CLSPN: variants seen among roughly 807,000 people sequenced by gnomAD.
CLSPN encodes the protein claspin, also known as claspin homolog.
CLSPN carries 85 observed loss-of-function variants against 156.3 expected under a neutral mutation model. The ratio of observed to expected loss-of-function variants is 0.54; its 90% CI spans 0.46 to 0.65. CLSPN has a LOEUF of 0.65. Among genes scored for constraint, CLSPN ranks in the 30% least tolerant of loss-of-function variants. The probability of loss-of-function intolerance (pLI) is 0.00; values close to 1 mark genes in which losing one functional copy is unlikely to be tolerated. For missense variants in CLSPN, 1,407 were observed against 1,554.9 expected, an observed-to-expected ratio of 0.90 and a Z score of 1.60; for synonymous variants, 534 against 542.4, an observed-to-expected ratio of 0.98 and a Z score of 0.22.
downstream of CLSPN, among the ~76,000 whole-genome samples, chr1:35,731,199 C>CAAAA (rs78926364): frequency 6.2e-5 from 5 of 80,476 alleles, no homozygotes; most frequent in African/African-American, 2.2e-4. Flanking sequence ...GACTCTGTCT[C>CAAAA]AAAAAAAAAA....
At chr1:35,721,657 G>A (rs1641077460) in intron 24 of CLSPN, among the ~76,000 whole-genome samples, 1 of 151,936 alleles carries the variant, frequency 6.6e-6, no homozygotes, top group Admixed American at 6.6e-5. Flanking sequence ...CAAAGTGCTG[G>A]GATTACAGGT....
At chr1:35,747,870 G>A in intron 14 of CLSPN, 37 bp downstream of exon 14, 6 of 1,599,492 alleles carry the variant, frequency 3.8e-6, no homozygotes, top group Non-Finnish European at 5.1e-6. Context: ...GCAGTACCCA[G>A]CACCATTCCC....
Position 35,733,320 on chromosome 1 carries a change from C to CT in CLSPN, c.*3175dup, listed in dbSNP as rs1222789867. 81,983 of 135,966 alleles carry CT rather than the reference C, an allele frequency of 0.6. 29,502 individuals carry two copies. The highest frequency in any genetic ancestry group is 0.77 in the Non-Finnish European group (54,013 of 70,020). The allele number at this position is 135,966 out of a possible 1,614,324, so 8.4% of individuals were successfully genotyped here. On this transcript the variant is annotated 3_prime_UTR_variant, in exon 25 of 25. Coordinates refer to ENST00000318121, the MANE Select transcript of CLSPN (RefSeq NM_022111.4). Reference sequence around the variant, plus strand: ...CAGGCACTAATTTTCTTTTTTTTTTCTTTTTTTTTTTTTTTTTAGAGTTGG... The same window carrying CT: ...CAGGCACTAATTTTCTTTTTTTTTTCTTTTTTTTTTTTTTTTTTAGAGTTGG...
At position 35,733,702 on chromosome 1, in the gene CLSPN, G is replaced by A; in HGVS notation, c.*2794C>T. 1 of 985,312 alleles carries A rather than the reference G, an allele frequency of 1.0e-6. No homozygotes were observed. Among genetic ancestry groups the A allele is most frequent in the Non-Finnish European group, 1.2e-6 (1 of 829,846 alleles). The allele number at this position is 985,312 out of a possible 1,614,324, so 61.0% of individuals were successfully genotyped here. A position where few individuals can be genotyped will look rare whatever the true frequency, so the allele number is the denominator to read the frequency against. On this transcript the variant is annotated 3_prime_UTR_variant, in exon 25 of 25. Coordinates refer to ENST00000318121, the MANE Select transcript of CLSPN (RefSeq NM_022111.4). Reference sequence around the variant, plus strand: ...GGCCAATCAAAGCTGTAACAGGCTGGGCATGGTGGCTGAGCCTGTGACCCC... The same window carrying A: ...GGCCAATCAAAGCTGTAACAGGCTGAGCATGGTGGCTGAGCCTGTGACCCC...
At chr1:35,745,003 G>A (rs1641828691) in intron 16 of CLSPN, among the ~76,000 whole-genome samples, 1 of 152,092 alleles carries the variant, frequency 6.6e-6, no homozygotes, top group African/African-American at 2.4e-5. Context: ...AGTAGAGACG[G>A]GGTTTCACCA....
At chr1:35,765,728 T>A (rs1360847929) in intron 1 of CLSPN, among the ~76,000 whole-genome samples, 1 of 152,180 alleles carries the variant, frequency 6.6e-6, no homozygotes, top group African/African-American at 2.4e-5. Context: ...ATAACAGACC[T>A]AGGCAATTAT....
In CLSPN at chr1:35,761,134, G is replaced by A. The variant is rs766489746; in HGVS notation, c.966C>T (p.Pro322=). ...TGGCATTTCCGTGGCAAGTGGGCCG[G>A]GGTTTACGTTTGAAGAAATCATGAA... ...KTIHDFFKRK[P]RPTCHGNAMA... The change falls in exon 7 of 25, where the codon CCC becomes CCT. Residue 322 remains proline, a synonymous_variant. Coordinates refer to ENST00000318121, the MANE Select transcript of CLSPN (RefSeq NM_022111.4). 2.2e-5 allele frequency: 36 copies of A among 1,613,564 alleles called. No homozygotes were observed. Among genetic ancestry groups the A allele is most frequent in the Non-Finnish European group, 3.0e-5 (35 of 1,179,636 alleles).
In CLSPN at chr1:35,763,309, C is replaced by G. The variant is rs1182793259; in HGVS notation, c.595G>C (p.Glu199Gln). Residue 199 changes from glutamate (E) to glutamine (Q), a missense_variant, in exon 4 of 25, where the codon GAA becomes CAA. By Grantham distance (29) the Glu-to-Gln change is conservative (BLOSUM62 2). This residue lies in a region of CLSPN where 1,096 missense variants were observed against 1,193.0 expected (regional missense o/e 0.92). Transcript: ENST00000318121. ...CAGCCACTGTCATTAAATGGCTGTTCTACATCATCTTCCTAAGTAATACAT... is the reference window on the plus strand; with the variant it reads ...CAGCCACTGTCATTAAATGGCTGTTGTACATCATCTTCCTAAGTAATACAT... ...KETKNQEDDV[E>Q]QPFNDSGCLL... 5 of 1,586,574 alleles carry G rather than the reference C, an allele frequency of 3.2e-6. No individual in the cohort carries two copies. Among genetic ancestry groups the G allele is most frequent in the Non-Finnish European group, 4.3e-6 (5 of 1,172,218 alleles).
Position 35,734,907 on chromosome 1 carries a change from A to C in CLSPN, c.*1589T>G, listed in dbSNP as rs1641414781. The C allele has an allele frequency of 1.0e-6, 1 of 985,308 alleles. No individual in the cohort carries two copies. The highest frequency in any genetic ancestry group is 1.7e-5 in the African/African-American group (1 of 57,250). 61.0% of individuals were successfully genotyped at this position (985,308 alleles called of 1,614,324 possible). On this transcript the variant is annotated 3_prime_UTR_variant, in exon 25 of 25. Transcript: ENST00000318121. ...CTGATGCTCAGTTCTGAGGGGAAAA[A>C]CATTTGTCTAAAATTCTGAGAAGCT...
At position 35,738,091 on chromosome 1, in the gene CLSPN, G is replaced by A. The variant is rs1339597031; in HGVS notation, c.3565C>T (p.Gln1189Ter). The change falls in exon 22 of 25, where the codon CAG (glutamine) becomes TAG (stop). Residue 1189 changes from glutamine to a stop codon, truncating the protein, a stop_gained. Transcript: ENST00000318121. LOFTEE classifies it high-confidence loss of function. ...TCTTCTTCAGCTGTAATTTTCCCCT[G>A]CTGTGCCTGAAAAAAAAAAAAAATA... ...REQWLRDMAQ[Q>*]GKITAEEEEE... 8.0e-7 allele frequency: 1 copy of A among 1,243,610 alleles called. No individual in the cohort carries two copies. The allele number at this position is 1,243,610 out of a possible 1,614,324, so 77.0% of individuals were successfully genotyped here. A position where few individuals can be genotyped will look rare whatever the true frequency, so the allele number is the denominator to read the frequency against.
rs3041363 is a variant in CLSPN at position 35,726,152 on chromosome 1, C to CAAAAAAA, written c.3910-5179_3910-5173dup. On this transcript the variant is annotated intron_variant, in intron 24 of 24. Coordinates refer to the CLSPN transcript ENST00000251195. The stretch of plus-strand genomic sequence containing the variant: ...ACACACCCATAGAAACAGATGCAGA[C>CAAAAAAA]AAAAAAAAAAAAAAAAAAAAAAAGC... 1.0e-3 allele frequency among the ~76,000 whole-genome samples: 49 copies of CAAAAAAA among 48,178 alleles called. 14 individuals carry two copies. Among genetic ancestry groups the CAAAAAAA allele is most frequent in the Admixed American group, 1.5e-3 (4 of 2,706 alleles). 31.6% of individuals were successfully genotyped at this position (48,178 alleles called of 152,430 possible). A position where few individuals can be genotyped will look rare whatever the true frequency, so the allele number is the denominator to read the frequency against.
At chr1:35,753,120 T>C (rs746948020) in intron 9 of CLSPN, among the ~76,000 whole-genome samples, 1 of 152,172 alleles carries the variant, frequency 6.6e-6, no homozygotes, top group Non-Finnish European at 1.5e-5. Context: ...TGAGACAGGG[T>C]CTCACTCTCT....
chr1:35,751,315 T>C lies in CLSPN; in HGVS notation c.1963A>G (p.Lys655Glu). 5 of 1,586,902 alleles carry C rather than the reference T, an allele frequency of 3.2e-6. No homozygotes were observed. In the South Asian group the frequency reaches 5.5e-5, roughly 18 times the overall value. ...DGEEKVEKEE[K>E]EEELEEEEEK... The stretch of plus-strand genomic sequence containing the variant: ...TCCTCTTCCTCTAGTTCTTCCTCTT[T>C]CTCTTCTTTCTCTACCTTCTCTTCT... The change falls in exon 10 of 25, where the codon AAA (lysine) becomes GAA (glutamate). Residue 655 changes from lysine (K) to glutamate (E), a missense_variant. Coordinates refer to ENST00000318121, the MANE Select transcript of CLSPN (RefSeq NM_022111.4).
chr1:35,762,568 C>T, intron 4 of CLSPN, 87 bp from the exon 5 acceptor site: 2 of 866,148 alleles, frequency 2.3e-6, no homozygotes, highest in South Asian at 1.4e-5. Context: ...TAGTCCAACA[C>T]CACATCATGC....
In CLSPN at chr1:35,732,478, G is replaced by A; in HGVS notation, c.*4018C>T. 1.0e-6 allele frequency: 1 copy of A among 985,364 alleles called. No homozygotes were observed. 61.0% of individuals were successfully genotyped at this position (985,364 alleles called of 1,614,324 possible). On this transcript the variant is annotated 3_prime_UTR_variant, in exon 25 of 25. Transcript: ENST00000318121. ...CTGAGTACCTTGTCTCTAGAGCTTT[G>A]GTGAATAAAATCTTATGGTTTATGG...
rs746335176 is a variant in CLSPN, at chr1:35,760,810, C to T, written c.1111G>A (p.Ala371Thr). Residue 371 changes from alanine to threonine, a missense_variant, in exon 8 of 25, where the codon GCA becomes ACA. Physicochemically the swap from Ala to Thr is moderately conservative, Grantham distance 58 (BLOSUM62 0). Coordinates refer to ENST00000318121, the MANE Select transcript of CLSPN (RefSeq NM_022111.4). ...GCATTAGTTTCCACTTCATTTTCTGCACCTGTTGTCTGCTCAGAACCTTTA... is the reference window on the plus strand; with the variant it reads ...GCATTAGTTTCCACTTCATTTTCTGTACCTGTTGTCTGCTCAGAACCTTTA... The part of the protein sequence containing the change: ...HSKGSEQTTG[A>T]ENEVETNALP... 3.7e-6 allele frequency: 6 copies of T among 1,613,672 alleles called. No individual in the cohort carries two copies. Among genetic ancestry groups the T allele is most frequent in the Non-Finnish European group, 5.1e-6 (6 of 1,179,928 alleles).
chr1:35,736,155 T>C lies in CLSPN; in HGVS notation c.*341A>G, dbSNP rs1287651703. 4.0e-6 allele frequency: 3 copies of C among 745,112 alleles called. No homozygotes were observed. The highest frequency in any genetic ancestry group is 4.9e-6 in the Non-Finnish European group (3 of 609,876). 46.2% of individuals were successfully genotyped at this position (745,112 alleles called of 1,614,324 possible). ...ATCGCTTGAACCTGGGAGGCAGAGA[T>C]TGTGGTGAGCCGAGATCACGCCACT... On this transcript the variant is annotated 3_prime_UTR_variant, in exon 25 of 25. Transcript: ENST00000318121.
chr1:35,731,200 A>G (rs1641309034), downstream of CLSPN, among the ~76,000 whole-genome samples: 1 of 134,350 alleles, frequency 7.4e-6, no homozygotes, highest in South Asian at 2.2e-4. Flanking sequence ...ACTCTGTCTC[A>G]AAAAAAAAAA....
Position 35,743,134 on chromosome 1 carries a change from C to T in CLSPN, c.3143+7G>A, listed in dbSNP as rs761247238. 6.2e-7 allele frequency: 1 copy of T among 1,603,942 alleles called. No homozygotes were observed. The highest frequency in any genetic ancestry group is 8.5e-7 in the Non-Finnish European group (1 of 1,171,000). ...CCTGAAGGAATGGACATATTAATAA[C>T]ACGTACATTTGCCTTTTCAACTTCT... On this transcript the variant is annotated splice_region_variant and intron_variant, in intron 18 of 24. Transcript: ENST00000318121.
Sources: gnomAD v4.1 joint callset for allele counts (sites outside exome capture counted in the v4.1 genomes callset) on GRCh38, gnomAD v4.1.1 for gene constraint, gnomAD v4.1.1 regional missense constraint, MANE v1.5 for transcripts, NCBI Gene and HGNC (gene_info 2026-07-23, HGNC 2026-07-21) for gene names.